Variants in PKIA observed in about 807,000 individuals in gnomAD.
PKIA encodes cAMP-dependent protein kinase inhibitor alpha.
PKIA carries 4 observed loss-of-function variants against 7.6 expected under a neutral mutation model. That is an observed-to-expected ratio of 0.52 (90% CI 0.26 to 1.20). The LOEUF (loss-of-function observed/expected upper bound fraction) is 1.20. PKIA is among the 50% of genes most tolerant of loss of function. The probability of loss-of-function intolerance (pLI) is 0.13; values close to 1 mark genes in which losing one functional copy is unlikely to be tolerated. For synonymous variants in PKIA, 21 were observed against 30.7 expected (o/e 0.68, Z 1.04); for missense variants, 73 against 86.2 (o/e 0.85, Z 0.61).
chr8:78,600,474 T>TTATA (rs1223714069), intron 3 of PKIA, among the ~76,000 whole-genome samples: 2 of 151,902 alleles, frequency 1.3e-5, no homozygotes, highest in East Asian at 3.9e-4. Context: ...CCCATGGGAG[T>TTATA]CAAGTTCCTC....
chr8:78,599,170 T>TA (rs1216656975), intron 3 of PKIA, among the ~76,000 whole-genome samples: 8 of 152,060 alleles, frequency 5.3e-5, no homozygotes, highest in African/African-American at 1.9e-4. Context: ...TTTGATGGAT[T>TA]AAAAAACTTG....
chr8:78,532,742 A>T (rs1054284296), intron 1 of PKIA, among the ~76,000 whole-genome samples: 1 of 151,746 alleles, frequency 6.6e-6, no homozygotes, highest in Non-Finnish European at 1.5e-5. Flanking sequence ...TCCCTTCTCT[A>T]CTAAAAATAT....
At chr8:78,591,053 A>G (rs61521132) in intron 2 of PKIA, among the ~76,000 whole-genome samples, 4,053 of 152,350 alleles carry the variant, frequency 0.027, 80 homozygotes, top group African/African-American at 0.055. Context: ...CATAGTATTC[A>G]GATTAAAGAG....
rs563505104 is a variant in PKIA, at chr8:78,525,169, C to T, written c.-157+8701C>T. 9.2e-5 allele frequency among the ~76,000 whole-genome samples: 14 copies of T among 151,600 alleles called. No individual in the cohort carries two copies. The South Asian group carries it at 2.9e-3, about 32-fold the overall frequency. ...CACTTAACCATGCACCATCTGTTTACCCAGGGCAGGAAAACATGACATTCC... is the reference window on the plus strand; with the variant it reads ...CACTTAACCATGCACCATCTGTTTATCCAGGGCAGGAAAACATGACATTCC... On this transcript the variant is annotated intron_variant, in intron 1 of 3. Transcript: ENST00000396418.
chr8:78,569,983 CAG>C (rs1443015215), intron 1 of PKIA, among the ~76,000 whole-genome samples: 7 of 151,932 alleles, frequency 4.6e-5, no homozygotes, highest in Non-Finnish European at 1.0e-4. Flanking sequence ...ACTTGAAAAA[CAG>C]AGAGGAAAAC....
At chr8:78,526,061 A>G (rs1301711486) in intron 1 of PKIA, among the ~76,000 whole-genome samples, 2 of 152,062 alleles carry the variant, frequency 1.3e-5, no homozygotes, top group East Asian at 3.9e-4. Context: ...TTCCATTTTT[A>G]TCATTTTTAT....
At chr8:78,583,190 G>A (rs1162568117) in intron 2 of PKIA, among the ~76,000 whole-genome samples, 2 of 152,098 alleles carry the variant, frequency 1.3e-5, no homozygotes, top group African/African-American at 4.8e-5. Flanking sequence ...TTTATGAAGG[G>A]CACACAGACA....
intron 1 of PKIA, among the ~76,000 whole-genome samples, chr8:78,526,614 T>C (rs1224356215): frequency 6.6e-6 from 1 of 152,004 alleles, no homozygotes; most frequent in Non-Finnish European, 1.5e-5. Flanking sequence ...TTAAACTAAC[T>C]CCATTGTAGG....
At chr8:78,535,971 T>C (rs976322804) in intron 1 of PKIA, 1 of 152,052 alleles carries the variant, frequency 6.6e-6, no homozygotes, top group Non-Finnish European at 1.5e-5. Context: ...AATCAGTGAC[T>C]CGCTGAGGGA....
intron 1 of PKIA, among the ~76,000 whole-genome samples, chr8:78,570,900 G>A (rs555101329): frequency 2.5e-4 from 38 of 152,130 alleles, no homozygotes; most frequent in African/African-American, 8.4e-4. Flanking sequence ...CCTTCTATAG[G>A]AAGACCTGCT....
intron 1 of PKIA, among the ~76,000 whole-genome samples, chr8:78,536,665 C>A (rs1230564699): frequency 1.3e-5 from 2 of 151,966 alleles, no homozygotes; most frequent in Admixed American, 6.6e-5. Flanking sequence ...CCTCAAAAAG[C>A]TGTGTATCTT....
intron 2 of PKIA, among the ~76,000 whole-genome samples, chr8:78,573,450 A>G (rs1294962743): frequency 6.6e-6 from 1 of 151,930 alleles, no homozygotes; most frequent in Non-Finnish European, 1.5e-5. Flanking sequence ...AGGGAGGTGA[A>G]TGGAGCATGT....
At chr8:78,573,529 C>A (rs1310242344) in intron 2 of PKIA, among the ~76,000 whole-genome samples, 1 of 151,728 alleles carries the variant, frequency 6.6e-6, no homozygotes, top group African/African-American at 2.4e-5. Flanking sequence ...TTTTCATTTG[C>A]AATTTAAGTC....
intron 2 of PKIA, among the ~76,000 whole-genome samples, chr8:78,574,167 G>T (rs190876857): frequency 6.6e-6 from 1 of 151,900 alleles, no homozygotes; most frequent in Non-Finnish European, 1.5e-5. Flanking sequence ...TATTTATGGG[G>T]TATAGTGTGA....
intron 2 of PKIA, among the ~76,000 whole-genome samples, chr8:78,581,991 C>T (rs546458470): frequency 8.5e-4 from 130 of 152,076 alleles, no homozygotes; most frequent in South Asian, 5.0e-3. Flanking sequence ...GTCATTTCAA[C>T]GTTTTTGTAA....
intron 1 of PKIA, among the ~76,000 whole-genome samples, chr8:78,558,978 A>G (rs1191201097): frequency 6.6e-6 from 1 of 152,112 alleles, no homozygotes; most frequent in African/African-American, 2.4e-5. Flanking sequence ...CTACAGTGCA[A>G]TGGCGCCATC....
At chr8:78,536,041 C>A (rs1806513451) in intron 1 of PKIA, 1 of 151,954 alleles carries the variant, frequency 6.6e-6, no homozygotes, top group African/African-American at 2.4e-5. Context: ...AATCTTTTAA[C>A]CTCCCTCTGC....
At chr8:78,585,707 A>G (rs1564714) in intron 2 of PKIA, among the ~76,000 whole-genome samples, 27,352 of 152,122 alleles carry the variant, frequency 0.18, 2,877 homozygotes, top group African/African-American at 0.29. Flanking sequence ...GAGGCATATT[A>G]AAGTGTTTAA....
chr8:78,596,678 C>G (rs988440131), intron 2 of PKIA, among the ~76,000 whole-genome samples: 1 of 152,130 alleles, frequency 6.6e-6, no homozygotes, highest in African/African-American at 2.4e-5. Context: ...TTAATTATGT[C>G]CCATTTGTCA....
Sources: allele counts gnomAD v4.1 joint callset (sites outside exome capture counted in the v4.1 genomes callset), GRCh38; gene constraint gnomAD v4.1.1; transcripts MANE v1.5; gene names NCBI Gene and HGNC (gene_info 2026-07-23, HGNC 2026-07-21).